The following CAMTA1 variants were observed in gnomAD, a reference collection of about 807,000 sequenced individuals.
CAMTA1 encodes calmodulin-binding transcription activator 1.
CAMTA1 carries 27 observed loss-of-function variants against 170.9 expected under a neutral mutation model. The ratio of observed to expected loss-of-function variants is 0.16; its 90% CI spans 0.12 to 0.22. CAMTA1 has a LOEUF of 0.22. Ranked by LOEUF, CAMTA1 falls within the 10% of genes least tolerant of loss-of-function variation. CAMTA1 has a pLI of 1.00. For missense variants in CAMTA1, 1,619 were observed against 2,217.2 expected, an observed-to-expected ratio of 0.73 and a Z score of 5.42; for synonymous variants, 833 against 891.5, an observed-to-expected ratio of 0.93 and a Z score of 1.17.
At position 6,886,944 on chromosome 1, in the gene CAMTA1, C is replaced by A. The variant is rs566289580; in HGVS notation, c.234+61734C>A. ...TGCTAGTCGTTTTGTTCATGGAAAC[C>A]AGAGTATCCCTTTGAAGTATTATAT... On this transcript the variant is annotated intron_variant, in intron 3 of 22. Transcript: ENST00000303635. 2.0e-5 allele frequency among the ~76,000 whole-genome samples: 3 copies of A among 152,306 alleles called. No homozygotes were observed. The East Asian group carries it at 5.8e-4, about 29-fold the overall frequency.
At chr1:7,409,052 G>A (rs1047315116) in intron 5 of CAMTA1, among the ~76,000 whole-genome samples, 2 of 152,198 alleles carry the variant, frequency 1.3e-5, no homozygotes, top group East Asian at 3.9e-4. Flanking sequence ...GTACCTGCCT[G>A]TGGCCCTCTC....
intron 11 of CAMTA1, chr1:7,694,875 C>G (rs945319550): frequency 2.0e-5 from 3 of 152,196 alleles, no homozygotes; most frequent in Admixed American, 1.3e-4. Context: ...ACAGGGATCT[C>G]TGAGCCAGGG....
intron 3 of CAMTA1, among the ~76,000 whole-genome samples, chr1:7,060,617 A>T (rs1162928066): frequency 1.3e-5 from 2 of 152,188 alleles, no homozygotes; most frequent in African/African-American, 4.8e-5. Context: ...CACGTGTCTT[A>T]GACCCCTTGG....
rs1672428116 is a variant in CAMTA1, at chr1:7,286,924, A to G, written c.438+37298A>G. ...GAGTTTAGCTCAGTGCCTTCCATCG[A>G]CTTGACACTCAGTAAACAGAAGCTG... On this transcript the variant is annotated intron_variant, in intron 5 of 22. Transcript: ENST00000303635. The surrounding 1 kb of genome is among the most constrained non-coding windows in gnomAD (Gnocchi z 4.2). Among the ~76,000 whole-genome samples, 1 of 152,184 alleles carries G rather than the reference A, an allele frequency of 6.6e-6. No individual in the cohort carries two copies. The highest frequency in any genetic ancestry group is 2.1e-4 in the South Asian group (1 of 4,824).
intron 3 of CAMTA1, among the ~76,000 whole-genome samples, chr1:6,928,358 CAG>C (rs1193330595): frequency 1.3e-5 from 2 of 152,182 alleles, no homozygotes; most frequent in African/African-American, 4.8e-5. Flanking sequence ...ACTTATAAGA[CAG>C]GGAGTCTGAA....
chr1:6,953,884 C>T (rs1255014203), intron 3 of CAMTA1, among the ~76,000 whole-genome samples: 11 of 152,144 alleles, frequency 7.2e-5, no homozygotes, highest in Non-Finnish European at 1.6e-4. Flanking sequence ...GGGTTTGCCT[C>T]TGTGGGAGAA....
intron 5 of CAMTA1, among the ~76,000 whole-genome samples, chr1:7,305,483 C>T (rs1277820021): frequency 1.3e-5 from 2 of 151,958 alleles, no homozygotes; most frequent in African/African-American, 4.8e-5. Flanking sequence ...TTCACCAACA[C>T]CATAGGTTTT....
At chr1:7,444,075 G>A (rs1320531597) in intron 5 of CAMTA1, among the ~76,000 whole-genome samples, 3 of 152,220 alleles carry the variant, frequency 2.0e-5, no homozygotes, top group Non-Finnish European at 4.4e-5. Context: ...TCGCTCAGAG[G>A]AAACCCGCTG....
intron 5 of CAMTA1, among the ~76,000 whole-genome samples, chr1:7,447,415 G>A (rs932075523): frequency 1.3e-5 from 2 of 150,230 alleles, no homozygotes; most frequent in African/African-American, 4.9e-5. Context: ...GAAGGGCTTT[G>A]AGTGGGGGCG....
rs75489864 is a variant in CAMTA1, at chr1:7,637,497, G to T, written c.511-2903G>T. 4.1e-3 allele frequency among the ~76,000 whole-genome samples: 621 copies of T among 152,348 alleles called. 5 individuals are homozygous for T. The highest frequency in any genetic ancestry group is 0.014 in the African/African-American group (585 of 41,590). ...TGTTGGTCTGTAGGAAGAACACGGGGCAAGGACACAGTGAATCACCCCGTC... is the reference window on the plus strand; with the variant it reads ...TGTTGGTCTGTAGGAAGAACACGGGTCAAGGACACAGTGAATCACCCCGTC... On this transcript the variant is annotated intron_variant, in intron 6 of 22. Coordinates refer to ENST00000303635, the MANE Select transcript of CAMTA1 (RefSeq NM_015215.4).
At position 7,044,540 on chromosome 1, in the gene CAMTA1, G is replaced by A. The variant is rs905463631; in HGVS notation, c.235-46764G>A. On this transcript the variant is annotated intron_variant, in intron 3 of 22. Transcript: ENST00000303635. The surrounding 1 kb of genome is among the most constrained non-coding windows in gnomAD (Gnocchi z 5.0). ...GGCCATAAGCATCTGAGGCTAGGAA[G>A]GCACATGCGTGATTAGCAGATGGGT... Among the ~76,000 whole-genome samples, 1 of 152,220 alleles carries A rather than the reference G, an allele frequency of 6.6e-6. No homozygotes were observed. Among genetic ancestry groups the A allele is most frequent in the Non-Finnish European group, 1.5e-5 (1 of 68,026 alleles).
At chr1:7,519,936 G>A (rs780440707) in intron 6 of CAMTA1, among the ~76,000 whole-genome samples, 26 of 151,220 alleles carry the variant, frequency 1.7e-4, no homozygotes, top group Non-Finnish European at 2.4e-4. Flanking sequence ...TGTTCATCTC[G>A]GGCACATCAG....
At chr1:7,377,916 G>T in intron 5 of CAMTA1, among the ~76,000 whole-genome samples, 1 of 152,046 alleles carries the variant, frequency 6.6e-6, no homozygotes. Flanking sequence ...GTGAGAGCCT[G>T]TCTCAAAAAA....
chr1:7,029,488 CAAAAAAAAAAAA>C (rs55736306), intron 3 of CAMTA1, among the ~76,000 whole-genome samples: 58 of 63,820 alleles, frequency 9.1e-4, no homozygotes, highest in Non-Finnish European at 1.3e-3. Flanking sequence ...GACTCTGTCT[CAAAAAAAAAAAA>C]AAAAAAAAAA....
chr1:7,597,600 A>G (rs1176254829), intron 6 of CAMTA1, among the ~76,000 whole-genome samples: 1 of 152,138 alleles, frequency 6.6e-6, no homozygotes, highest in Non-Finnish European at 1.5e-5. Context: ...AGAGAGGAGC[A>G]TGATTGTGGG....
Position 7,641,690 on chromosome 1 carries a change from GGCAGGACCACAAGA to G in CAMTA1, c.664+1138_664+1151del, listed in dbSNP as rs2095762256. On this transcript the variant is annotated intron_variant, in intron 7 of 22. Transcript: ENST00000303635. This position sits in a 1 kb window ranked among gnomAD's most constrained non-coding sequence, Gnocchi z 4.5. ...GTGGGTGACAGCCCTGCCCGCCAAG[GGCAGGACCACAAGA>G]CTGAGCTTCCTCACGTGTCGTCCTT... Among the ~76,000 whole-genome samples the G allele has an allele frequency of 6.6e-6, 1 of 152,110 alleles. No individual in the cohort carries two copies. Among genetic ancestry groups the G allele is most frequent in the African/African-American group, 2.4e-5 (1 of 41,426 alleles).
At chr1:6,814,928 C>G (rs1419648618) in intron 1 of CAMTA1, among the ~76,000 whole-genome samples, 2 of 152,012 alleles carry the variant, frequency 1.3e-5, no homozygotes, top group African/African-American at 4.8e-5. Context: ...TATATATTAT[C>G]CATATACAAT....
intron 3 of CAMTA1, among the ~76,000 whole-genome samples, chr1:6,926,423 C>CTT (rs1188029280): frequency 7.4e-6 from 1 of 134,252 alleles, no homozygotes; most frequent in African/African-American, 2.8e-5. Context: ...CTTTTCTTTT[C>CTT]TCTTTCTTTC....
chr1:7,707,150 A>G (rs1341348737), intron 11 of CAMTA1, among the ~76,000 whole-genome samples: 1 of 151,814 alleles, frequency 6.6e-6, no homozygotes, highest in Non-Finnish European at 1.5e-5. Context: ...TCCCAAAGTG[A>G]TGGGATTACA....
Sources: gnomAD v4.1 joint callset for allele counts (sites outside exome capture counted in the v4.1 genomes callset) on GRCh38, gnomAD v4.1.1 for gene constraint, Gnocchi (gnomAD v3.1) non-coding constraint, MANE v1.5 for transcripts, NCBI Gene and HGNC (gene_info 2026-07-23, HGNC 2026-07-21) for gene names.